NCKAP1: variants seen among roughly 807,000 people sequenced by gnomAD.
The protein encoded by NCKAP1 is NCK associated protein 1.
A neutral mutation model predicts 151.2 loss-of-function variants in NCKAP1; 21 were observed. That is an observed-to-expected ratio of 0.14 (90% CI 0.10 to 0.20). The LOEUF (loss-of-function observed/expected upper bound fraction) is 0.20, where lower values mean the gene tolerates loss of function less well. Ranked by LOEUF, NCKAP1 falls within the 10% of genes least tolerant of loss-of-function variation. NCKAP1 has a pLI of 1.00. For synonymous variants in NCKAP1, 484 were observed against 451.8 expected, an observed-to-expected ratio of 1.07 and a Z score of -0.90; for missense variants, 933 against 1,352.1, an observed-to-expected ratio of 0.69 and a Z score of 4.86.
chr2:182,964,325 C>A (rs932840811), intron 17 of NCKAP1, among the ~76,000 whole-genome samples: 1 of 151,972 alleles, frequency 6.6e-6, no homozygotes, highest in Non-Finnish European at 1.5e-5. Context: ...ATTCAGTAAT[C>A]CATAAATTTA....
At chr2:183,009,903 G>A (rs561618067) in intron 2 of NCKAP1, among the ~76,000 whole-genome samples, 10 of 152,244 alleles carry the variant, frequency 6.6e-5, no homozygotes, top group East Asian at 3.9e-4. Context: ...TAAAAGTAGC[G>A]TAGGGACAAG....
chr2:182,966,252 C>A (rs183722691), intron 16 of NCKAP1, among the ~76,000 whole-genome samples: 2 of 151,962 alleles, frequency 1.3e-5, no homozygotes, highest in Non-Finnish European at 2.9e-5. Flanking sequence ...TAGCTTGAGG[C>A]GAGAATTCTT....
At chr2:182,964,525 T>C in intron 17 of NCKAP1, 151 bp downstream of exon 17, 1 of 459,640 alleles carries the variant, frequency 2.2e-6, no homozygotes, top group Non-Finnish European at 3.8e-6. Flanking sequence ...TAAACCTATG[T>C]ATCTGTTCAA....
intron 23 of NCKAP1, among the ~76,000 whole-genome samples, chr2:182,951,274 T>C (rs1697209593): frequency 6.6e-6 from 1 of 152,170 alleles, no homozygotes; most frequent in Non-Finnish European, 1.5e-5. Context: ...GTTCTATATA[T>C]TTGCTCAATT....
chr2:182,994,658 G>GA (rs1220880145), intron 8 of NCKAP1, among the ~76,000 whole-genome samples, 181 bp downstream of exon 8: 1 of 146,226 alleles, frequency 6.8e-6, no homozygotes, highest in Non-Finnish European at 1.6e-5. Context: ...AGAAAAAAAA[G>GA]AAAAAAAACC....
rs1696654625 is a variant in NCKAP1 at position 182,926,673 on chromosome 2, T to C, written c.3270+143A>G. 37 of 540,896 alleles carry C rather than the reference T, an allele frequency of 6.8e-5. No individual in the cohort carries two copies. In the South Asian group the frequency reaches 9.7e-4, roughly 14 times the overall value. 33.5% of individuals were successfully genotyped at this position (540,896 alleles called of 1,614,324 possible). On this transcript the variant is annotated intron_variant, in intron 30 of 30. Transcript: ENST00000361354. ...TAAAATATGAGTGATGTCAGTCTTC[T>C]CTGCAAATTTTAGAAAGGTGTGGCT...
At chr2:183,009,158 G>A (rs1698538234) in intron 2 of NCKAP1, among the ~76,000 whole-genome samples, 1 of 152,122 alleles carries the variant, frequency 6.6e-6, no homozygotes, top group South Asian at 2.1e-4. Flanking sequence ...CGGATCACCT[G>A]AGGTCAGGAG....
chr2:182,912,323 C>T lies in NCKAP1; in HGVS notation c.*13379G>A, dbSNP rs981337636. ...AAAATCAACCAACTATAAACAGTTA[C>T]CACAGTTCTGTTTTTGCCAGTGCCA... is the stretch of plus-strand genomic sequence containing the variant. On this transcript the variant is annotated 3_prime_UTR_variant, in exon 31 of 31. Transcript: ENST00000361354. The T allele has an allele frequency of 6.6e-6, 1 of 152,162 alleles. No homozygotes were observed. Among genetic ancestry groups the T allele is most frequent in the Non-Finnish European group, 1.5e-5 (1 of 68,026 alleles). 9.4% of individuals were successfully genotyped at this position (152,162 alleles called of 1,614,324 possible). A position where few individuals can be genotyped will look rare whatever the true frequency, so the allele number is the denominator to read the frequency against.
chr2:182,950,455 T>C (rs547700458), intron 23 of NCKAP1, among the ~76,000 whole-genome samples: 4 of 152,266 alleles, frequency 2.6e-5, no homozygotes, highest in East Asian at 1.9e-4. Context: ...AAATTTCTTA[T>C]TTGAGAACAG....
Position 183,003,217 on chromosome 2 carries a change from A to T in NCKAP1, c.312+16T>A. On this transcript the variant is annotated intron_variant, in intron 3 of 30. Coordinates refer to ENST00000361354, the MANE Select transcript of NCKAP1 (RefSeq NM_013436.5). ...CTACTTCTGAAGTGTTAAATATTAT[A>T]TATTAAAATACATACCTTAAATTCC... 7.2e-7 allele frequency: 1 copy of T among 1,379,426 alleles called. No homozygotes were observed. Among genetic ancestry groups the T allele is most frequent in the Non-Finnish European group, 1.0e-6 (1 of 996,206 alleles). 85.4% of individuals were successfully genotyped at this position (1,379,426 alleles called of 1,614,324 possible).
Position 182,915,562 on chromosome 2 carries a change from C to T in NCKAP1, c.*10140G>A, listed in dbSNP as rs747360470. The T allele has an allele frequency of 2.6e-5, 4 of 152,082 alleles. No individual in the cohort carries two copies. The highest frequency in any genetic ancestry group is 6.5e-5 in the Admixed American group (1 of 15,276). 9.4% of individuals were successfully genotyped at this position (152,082 alleles called of 1,614,324 possible). On this transcript the variant is annotated 3_prime_UTR_variant, in exon 31 of 31. Coordinates refer to ENST00000361354, the MANE Select transcript of NCKAP1 (RefSeq NM_013436.5). ...TTGGTCCTCCCTGTACGATCAGCTG[C>T]GAAAGAACTGCCAGTGCAATCTTGA...
At chr2:182,929,420 T>C (rs910432629) in intron 27 of NCKAP1, among the ~76,000 whole-genome samples, 1 of 151,964 alleles carries the variant, frequency 6.6e-6, no homozygotes, top group Non-Finnish European at 1.5e-5. Flanking sequence ...AACCTCTCTA[T>C]TTTAGAAGAC....
intron 15 of NCKAP1, among the ~76,000 whole-genome samples, chr2:182,974,299 A>G (rs945293384): frequency 5.3e-5 from 8 of 151,726 alleles, no homozygotes; most frequent in African/African-American, 1.9e-4. Context: ...TATGCAGTAG[A>G]AAGGGTCTGA....
Position 182,920,230 on chromosome 2 carries a change from T to G in NCKAP1, c.*5472A>C, listed in dbSNP as rs1227920080. 1 of 152,302 alleles carries G rather than the reference T, an allele frequency of 6.6e-6. No individual in the cohort carries two copies. The highest frequency in any genetic ancestry group is 2.4e-5 in the African/African-American group (1 of 41,448). The allele number at this position is 152,302 out of a possible 1,614,324, so 9.4% of individuals were successfully genotyped here. A position where few individuals can be genotyped will look rare whatever the true frequency, so the allele number is the denominator to read the frequency against. On this transcript the variant is annotated 3_prime_UTR_variant, in exon 31 of 31. Coordinates refer to ENST00000361354, the MANE Select transcript of NCKAP1 (RefSeq NM_013436.5). ...CTCAAATGATACCTCTGGCTCCGCC[T>G]CTCAAAGTGTTGGGATTACAGGCGT...
chr2:183,018,421 T>C (rs1698735534), intron 2 of NCKAP1, among the ~76,000 whole-genome samples: 1 of 152,134 alleles, frequency 6.6e-6, no homozygotes. Flanking sequence ...AAACAAGGAA[T>C]GCCCTCTTAA....
intron 8 of NCKAP1, among the ~76,000 whole-genome samples, chr2:182,992,623 T>C (rs937169581): frequency 6.6e-6 from 1 of 152,212 alleles, no homozygotes; most frequent in African/African-American, 2.4e-5. Flanking sequence ...AGACAAAGCA[T>C]GATAATTTCA....
At chr2:182,963,148 A>T (rs1697492519) in intron 17 of NCKAP1, among the ~76,000 whole-genome samples, 2 of 152,060 alleles carry the variant, frequency 1.3e-5, no homozygotes, top group African/African-American at 4.8e-5. Flanking sequence ...TATCTAACGT[A>T]TTTTATTTAA....
intron 2 of NCKAP1, among the ~76,000 whole-genome samples, chr2:183,020,594 T>C (rs1698780142): frequency 6.6e-6 from 1 of 151,208 alleles, no homozygotes; most frequent in South Asian, 2.1e-4. Context: ...AGAGTAGAAA[T>C]AGTAATAACC....
intron 11 of NCKAP1, 38 bp from the exon 12 acceptor site, chr2:182,982,965 G>A (rs1161848396): frequency 2.1e-6 from 3 of 1,446,864 alleles, no homozygotes; most frequent in Non-Finnish European, 2.8e-6. Context: ...CTTATTCAAA[G>A]ATTAAAAACA....
Sources: gnomAD v4.1 joint callset for allele counts (sites outside exome capture counted in the v4.1 genomes callset) on GRCh38, gnomAD v4.1.1 for gene constraint, MANE v1.5 for transcripts, NCBI Gene and HGNC (gene_info 2026-07-23, HGNC 2026-07-21) for gene names.